DMAP1: variants seen among roughly 807,000 people sequenced by gnomAD.
The protein encoded by DMAP1 is DNA methyltransferase 1-associated protein 1.
A neutral mutation model predicts 52.7 loss-of-function variants in DMAP1; 26 were observed. The ratio of observed to expected loss-of-function variants is 0.49; its 90% CI spans 0.36 to 0.68. DMAP1 has a LOEUF of 0.68. DMAP1 is among the 30% of genes least tolerant of loss of function. The pLI is 0.00. For missense variants in DMAP1, 439 were observed against 625.2 expected, an observed-to-expected ratio of 0.70 and a Z score of 3.18; for synonymous variants, 231 against 246.0, an observed-to-expected ratio of 0.94 and a Z score of 0.57.
intron 7 of DMAP1, 105 bp from the exon 8 acceptor site, chr1:44,219,701 A>G: frequency 7.2e-7 from 1 of 1,394,634 alleles, no homozygotes; most frequent in Non-Finnish European, 1.0e-6. Flanking sequence ...GTTAACCTCC[A>G]TGTGTTACCG....
At chr1:44,219,561 G>T in intron 7 of DMAP1, 84 bp downstream of exon 7, 1 of 1,382,430 alleles carries the variant, frequency 7.2e-7, no homozygotes, top group Admixed American at 2.4e-5. Context: ...AGGCAGGTGG[G>T]GATGGAGCAG....
At chr1:44,219,032 A>G in intron 5 of DMAP1, 24 bp from the exon 6 acceptor site, 1 of 1,612,830 alleles carries the variant, frequency 6.2e-7, no homozygotes, top group Non-Finnish European at 8.5e-7. Context: ...GCCCTCACAC[A>G]CTTCGCATCC....
At chr1:44,216,515 C>A (rs1042215912) in intron 3 of DMAP1, 21 of 152,230 alleles carry the variant, frequency 1.4e-4, no homozygotes, top group African/African-American at 4.8e-4. Flanking sequence ...CAGGCGTGAG[C>A]CACCGCACAT....
chr1:44,219,722 AC>A (rs1235463585), intron 7 of DMAP1, 83 bp from the exon 8 acceptor site: 1 of 1,519,454 alleles, frequency 6.6e-7, no homozygotes, highest in East Asian at 2.3e-5. Flanking sequence ...TCTCTCTTCC[AC>A]CATCTTTCCC....
chr1:44,215,081 A>G (rs1161961270), intron 3 of DMAP1, 183 bp downstream of exon 3: 1 of 741,814 alleles, frequency 1.3e-6, no homozygotes, highest in Non-Finnish European at 2.4e-6. Context: ...TGCCCAAGGG[A>G]TCCTGTTCTT....
At chr1:44,214,286 T>G in intron 1 of DMAP1, 64 bp from the exon 2 acceptor site, 1 of 1,484,558 alleles carries the variant, frequency 6.7e-7, no homozygotes, top group Non-Finnish European at 9.4e-7. Flanking sequence ...GGGATTGAGC[T>G]GGACTAAAGA....
intron 3 of DMAP1, 191 bp downstream of exon 3, chr1:44,215,089 CT>C (rs1420693514): frequency 1.4e-6 from 1 of 721,784 alleles, no homozygotes; most frequent in South Asian, 1.5e-5. Context: ...GGATCCTGTT[CT>C]TTCCCGGACC....
At chr1:44,215,560 G>A (rs1184708182) in intron 3 of DMAP1, 5 of 330,342 alleles carry the variant, frequency 1.5e-5, no homozygotes, top group Admixed American at 8.3e-5. Context: ...AATAAGAGCC[G>A]TCAGTAACAC....
At chr1:44,214,530 C>T (rs1643748540) in intron 2 of DMAP1, 89 bp downstream of exon 2, 1 of 1,613,018 alleles carries the variant, frequency 6.2e-7, no homozygotes, top group Non-Finnish European at 8.5e-7. Context: ...ACAATTTTCT[C>T]CTCCCCAGCA....
chr1:44,214,432 C>T lies in DMAP1; in HGVS notation c.188C>T (p.Ser63Phe). The T allele has an allele frequency of 6.2e-7, 1 of 1,614,136 alleles. No homozygotes were observed. The highest frequency in any genetic ancestry group is 8.5e-7 in the Non-Finnish European group (1 of 1,180,000). Residue 63 changes from serine (S) to phenylalanine (F), a missense_variant, in exon 2 of 10, where the codon TCT (serine) becomes TTT (phenylalanine). Ser to Phe is a radical substitution (Grantham distance 155). Transcript: ENST00000372289. ...CGGGAAGTCTATGCCTTGCTCTACTCTGACAAGAAGCAAGTATTGGAGTCC... is the reference window on the plus strand; with the variant it reads ...CGGGAAGTCTATGCCTTGCTCTACTTTGACAAGAAGCAAGTATTGGAGTCC... ...MHREVYALLY[S>F]DKKDAPPLLP...
Position 44,220,293 on chromosome 1 carries a change from C to T in DMAP1, c.1328C>T (p.Pro443Leu). The T allele has an allele frequency of 6.5e-7, 1 of 1,545,514 alleles. No homozygotes were observed. Among genetic ancestry groups the T allele is most frequent in the South Asian group, 1.2e-5 (1 of 80,668 alleles). ...ACCATCATTGATGTGGTGGGCGCAC[C>T]CCTCACGCCCAATTCGGTAAGAGTC... ...KDTIIDVVGA[P>L]LTPNSRKRRE... Residue 443 changes from proline to leucine, a missense_variant, in exon 9 of 10, where the codon CCC (proline) becomes CTC (leucine). Coordinates refer to ENST00000372289, the MANE Select transcript of DMAP1 (RefSeq NM_019100.5).
chr1:44,215,703 T>G (rs897409891), intron 3 of DMAP1: 5 of 199,900 alleles, frequency 2.5e-5, no homozygotes, highest in East Asian at 1.3e-4. Context: ...TACATCTATT[T>G]ATTGAGTCCT....
intron 9 of DMAP1, 42 bp from the exon 10 acceptor site, chr1:44,220,517 C>A (rs371787882): frequency 1.2e-6 from 2 of 1,614,156 alleles, no homozygotes; most frequent in Non-Finnish European, 1.7e-6. Flanking sequence ...TGACTCAGGC[C>A]TTGGGGGGTC....
Position 44,213,977 on chromosome 1 carries a change from G to T in DMAP1, c.105+119G>T, listed in dbSNP as rs1257244821. 2.3e-6 allele frequency: 2 copies of T among 877,246 alleles called. No homozygotes were observed. Among genetic ancestry groups the T allele is most frequent in the African/African-American group, 3.3e-5 (2 of 59,750 alleles). The allele number at this position is 877,246 out of a possible 1,614,324, so 54.3% of individuals were successfully genotyped here. On this transcript the variant is annotated intron_variant, in intron 1 of 9. Transcript: ENST00000372289. This position sits in a 1 kb window ranked among gnomAD's most constrained non-coding sequence, Gnocchi z 4.5. ...CAGTGAGTTGGGCGATAAAAGGGGT[G>T]ACATAACAGGACAGGGAATATGTGT...
chr1:44,215,618 T>C (rs888185840), intron 3 of DMAP1: 1 of 304,384 alleles, frequency 3.3e-6, no homozygotes. Flanking sequence ...AGTGAACTTG[T>C]AGGTGTAGGG....
chr1:44,213,486 G>A lies in DMAP1; in HGVS notation c.-268G>A. 1 of 408,330 alleles carries A rather than the reference G, an allele frequency of 2.4e-6. No individual in the cohort carries two copies. The highest frequency in any genetic ancestry group is 4.5e-6 in the Non-Finnish European group (1 of 224,110). The allele number at this position is 408,330 out of a possible 1,614,324, so 25.3% of individuals were successfully genotyped here. A position where few individuals can be genotyped will look rare whatever the true frequency, so the allele number is the denominator to read the frequency against. On this transcript the variant is annotated 5_prime_UTR_variant, in exon 1 of 10. Coordinates refer to ENST00000372289, the MANE Select transcript of DMAP1 (RefSeq NM_019100.5). This position sits in a 1 kb window ranked among gnomAD's most constrained non-coding sequence, Gnocchi z 4.5. ...GGAAGTTTCTGCCGCGGCTTTGCGG[G>A]GACGGGGGAGTGGTAGTGGGGGCTG...
In DMAP1 at chr1:44,220,108, T is replaced by C. The variant is rs1572034778; in HGVS notation, c.1143T>C (p.Cys381=). The change falls in exon 9 of 10, where the codon TGT becomes TGC. Residue 381 remains cysteine, a synonymous_variant. Coordinates refer to ENST00000372289, the MANE Select transcript of DMAP1 (RefSeq NM_019100.5). ...TGCTCTACGAGCTCAAGCAGGCCTG[T>C]GCCAACTGCGAGTATGAGCTGCAGA... ...LVLLYELKQA[C]ANCEYELQML... The C allele has an allele frequency of 6.2e-7, 1 of 1,612,676 alleles. No individual in the cohort carries two copies. Among genetic ancestry groups the C allele is most frequent in the Non-Finnish European group, 8.5e-7 (1 of 1,179,186 alleles).
intron 7 of DMAP1, 93 bp from the exon 8 acceptor site, chr1:44,219,713 C>G: frequency 2.0e-6 from 3 of 1,472,550 alleles, no homozygotes; most frequent in Non-Finnish European, 2.8e-6. Context: ...GTGTTACCGT[C>G]TCTCTTCCAC....
chr1:44,213,760 A>C lies in DMAP1; in HGVS notation c.7A>C (p.Thr3Pro). MA[T>P]GADVRDILEL... The stretch of plus-strand genomic sequence containing the variant: ...CCCCCATCTCTCAGGCGCGATGGCT[A>C]CGGGCGCGGATGTACGGGACATTCT... The change falls in exon 1 of 10, where the codon ACG becomes CCG. Residue 3 changes from threonine (T) to proline (P), a missense_variant. Thr to Pro is a conservative substitution (Grantham distance 38). Transcript: ENST00000372289. This position sits in a 1 kb window ranked among gnomAD's most constrained non-coding sequence, Gnocchi z 4.5. 6.3e-7 allele frequency: 1 copy of C among 1,579,904 alleles called. No individual in the cohort carries two copies. The highest frequency in any genetic ancestry group is 1.2e-5 in the South Asian group (1 of 85,934).
Sources: gnomAD v4.1 joint callset for allele counts on GRCh38, gnomAD v4.1.1 for gene constraint, Gnocchi (gnomAD v3.1) non-coding constraint, MANE v1.5 for transcripts, NCBI Gene and HGNC (gene_info 2026-07-23, HGNC 2026-07-21) for gene names.